Variants in VTA1 observed in about 807,000 individuals in gnomAD.
The protein encoded by VTA1 is vacuolar protein sorting-associated protein VTA1 homolog.
VTA1 carries 24 observed loss-of-function variants against 36.9 expected under a neutral mutation model. That is an observed-to-expected ratio of 0.65 (90% CI 0.47 to 0.91). The LOEUF (loss-of-function observed/expected upper bound fraction) is 0.91, where lower values mean the gene tolerates loss of function less well. Among genes scored for constraint, VTA1 ranks in the 40% least tolerant of loss-of-function variants. VTA1 has a pLI of 0.00. For synonymous variants in VTA1, 142 were observed against 130.2 expected (o/e 1.09, Z -0.62); for missense variants, 393 against 377.2 (o/e 1.04, Z -0.35).
At chr6:142,196,091 T>C (rs1255645953) in intron 5 of VTA1, among the ~76,000 whole-genome samples, 1 of 152,212 alleles carries the variant, frequency 6.6e-6, no homozygotes, top group Non-Finnish European at 1.5e-5. Context: ...TCTGTTATTA[T>C]ATTAGGCACA....
rs544897787 is a variant in VTA1, at chr6:142,222,670, G to A, written c.*4027G>A. ...AGTTGATGGGTTTTGGTTTTCATAT[G>A]AGAAGTATCCTTCCCTGGTTGGTTG... On this transcript the variant is annotated 3_prime_UTR_variant, in exon 8 of 8. Coordinates refer to ENST00000367630, the MANE Select transcript of VTA1 (RefSeq NM_016485.5). The A allele has an allele frequency of 3.9e-5, 2 of 51,076 alleles. No homozygotes were observed. The allele number at this position is 51,076 out of a possible 1,614,324, so 3.2% of individuals were successfully genotyped here.
At chr6:142,148,299 C>T (rs753996421) in intron 1 of VTA1, among the ~76,000 whole-genome samples, 9 of 152,206 alleles carry the variant, frequency 5.9e-5, no homozygotes, top group Non-Finnish European at 1.2e-4. Flanking sequence ...TACCCTGTTT[C>T]TCAAATGTGC....
At chr6:142,160,378 A>C (rs1007118979) in intron 1 of VTA1, among the ~76,000 whole-genome samples, 6 of 152,140 alleles carry the variant, frequency 3.9e-5, no homozygotes, top group African/African-American at 1.4e-4. Flanking sequence ...GGTTTTGTTC[A>C]TTCTTTGGCC....
At chr6:142,200,491 C>T (rs1245727738) in intron 6 of VTA1, among the ~76,000 whole-genome samples, 1 of 151,786 alleles carries the variant, frequency 6.6e-6, no homozygotes, top group Admixed American at 6.6e-5. Flanking sequence ...GTGGTATAGG[C>T]ACATCAGTAT....
At chr6:142,153,095 T>A (rs1046258433) in intron 1 of VTA1, among the ~76,000 whole-genome samples, 1 of 152,134 alleles carries the variant, frequency 6.6e-6, no homozygotes, top group Non-Finnish European at 1.5e-5. Flanking sequence ...TTGATTCTCC[T>A]GGAGGACAGG....
chr6:142,184,149 A>G (rs1164859684), intron 4 of VTA1, among the ~76,000 whole-genome samples: 1 of 152,194 alleles, frequency 6.6e-6, no homozygotes, highest in Admixed American at 6.5e-5. Flanking sequence ...AACTACCAAA[A>G]GGTACATTCT....
chr6:142,158,032 T>TA (rs1196260627), intron 1 of VTA1, among the ~76,000 whole-genome samples: 39 of 140,034 alleles, frequency 2.8e-4, no homozygotes, highest in South Asian at 2.1e-3. Context: ...AAATAGAAGT[T>TA]AAAAAAAAAA....
At chr6:142,197,960 G>GGTGGCAGGCGCCTGTAGTC (rs1207441576) in intron 5 of VTA1, among the ~76,000 whole-genome samples, 3 of 151,316 alleles carry the variant, frequency 2.0e-5, no homozygotes, top group Non-Finnish European at 4.4e-5. Context: ...AGCCGGGAGT[G>GGTGGCAGGCGCCTGTAGTC]GTGGCAGGCG....
At chr6:142,192,552 A>G (rs1032618174) in intron 5 of VTA1, among the ~76,000 whole-genome samples, 2 of 152,126 alleles carry the variant, frequency 1.3e-5, no homozygotes, top group African/African-American at 2.4e-5. Context: ...AGAATGATAT[A>G]AAGAATTCCA....
At chr6:142,184,275 A>G (rs1443129605) in intron 4 of VTA1, among the ~76,000 whole-genome samples, 1 of 152,224 alleles carries the variant, frequency 6.6e-6, no homozygotes, top group African/African-American at 2.4e-5. Context: ...ATAGACCTGA[A>G]TGAGTGGCTA....
chr6:142,203,568 G>A (rs965263242), intron 6 of VTA1, among the ~76,000 whole-genome samples: 4 of 152,204 alleles, frequency 2.6e-5, no homozygotes, highest in East Asian at 3.9e-4. Flanking sequence ...ATCTTAAAAT[G>A]TGTAAACTAG....
chr6:142,198,291 T>C lies in VTA1; in HGVS notation c.521-148T>C, dbSNP rs528064504. 2.4e-4 allele frequency: 143 copies of C among 598,414 alleles called. 1 individual carries two copies. Among genetic ancestry groups the C allele is most frequent in the Middle Eastern group, 4.9e-4 (1 of 2,056 alleles). 37.1% of individuals were successfully genotyped at this position (598,414 alleles called of 1,614,324 possible). ...TAAGAAAATAAAAAAATTAAAAATA[T>C]TGTTTTAAGAATAGAGCTTGCTTCT... On this transcript the variant is annotated intron_variant, in intron 5 of 7. Transcript: ENST00000367630.
chr6:142,149,116 C>G (rs748897509), intron 1 of VTA1, among the ~76,000 whole-genome samples: 28 of 152,190 alleles, frequency 1.8e-4, no homozygotes, highest in Non-Finnish European at 3.1e-4. Flanking sequence ...ATATCATTCC[C>G]TAAAGTTGCA....
chr6:142,163,222 G>C (rs1475484251), intron 1 of VTA1, among the ~76,000 whole-genome samples: 1 of 152,052 alleles, frequency 6.6e-6, no homozygotes, highest in Admixed American at 6.6e-5. Context: ...TTACCAGCCA[G>C]CACACTTCCA....
chr6:142,209,532 T>A (rs1485507496), intron 7 of VTA1, among the ~76,000 whole-genome samples: 1 of 150,994 alleles, frequency 6.6e-6, no homozygotes, highest in Non-Finnish European at 1.5e-5. Flanking sequence ...TATTCCATTG[T>A]ATATATACAC....
intron 6 of VTA1, 168 bp downstream of exon 6, chr6:142,198,783 A>AT (rs1271055456): frequency 2.3e-5 from 13 of 570,632 alleles, no homozygotes; most frequent in Admixed American, 7.1e-5. Flanking sequence ...AAATTTTAAT[A>AT]TTAGTTGTAT....
At chr6:142,180,416 A>T (rs1423451047) in intron 4 of VTA1, among the ~76,000 whole-genome samples, 3 of 152,256 alleles carry the variant, frequency 2.0e-5, no homozygotes, top group Non-Finnish European at 4.4e-5. Context: ...AGACTGATAC[A>T]TATGAAGAAA....
At chr6:142,159,526 T>C (rs1460364877) in intron 1 of VTA1, among the ~76,000 whole-genome samples, 1 of 143,122 alleles carries the variant, frequency 7.0e-6, no homozygotes, top group African/African-American at 2.6e-5. Flanking sequence ...ATTATTATTA[T>C]TATTTTGAGA....
At chr6:142,153,307 G>T in intron 1 of VTA1, among the ~76,000 whole-genome samples, 1 of 151,474 alleles carries the variant, frequency 6.6e-6, no homozygotes, top group African/African-American at 2.4e-5. Context: ...AAACTTATCT[G>T]TCGATTGAGT....
Sources: gnomAD v4.1 joint callset for allele counts (sites outside exome capture counted in the v4.1 genomes callset) on GRCh38, gnomAD v4.1.1 for gene constraint, MANE v1.5 for transcripts, NCBI Gene and HGNC (gene_info 2026-07-23, HGNC 2026-07-21) for gene names.